FKBP1B: variants seen among roughly 807,000 people sequenced by gnomAD.
FKBP1B encodes peptidyl-prolyl cis-trans isomerase FKBP1B.
FKBP1B carries 4 observed loss-of-function variants against 13.5 expected under a neutral mutation model. That is an observed-to-expected ratio of 0.30 (90% CI 0.15 to 0.68). The LOEUF (loss-of-function observed/expected upper bound fraction) is 0.68. Ranked by LOEUF, FKBP1B falls within the 30% of genes least tolerant of loss-of-function variation. The pLI, the probability that FKBP1B is intolerant of heterozygous loss-of-function variation, is 0.76. For synonymous variants in FKBP1B, 54 were observed against 53.6 expected (o/e 1.01, Z -0.03); for missense variants, 93 against 136.2 (o/e 0.68, Z 1.58).
intron 2 of FKBP1B, among the ~76,000 whole-genome samples, chr2:24,060,001 G>A (rs1455910295): frequency 6.6e-6 from 1 of 151,874 alleles, no homozygotes; most frequent in African/African-American, 2.4e-5. Flanking sequence ...AACAGAGAGG[G>A]TTATAAGCAG....
chr2:24,038,633 T>C, the FKBP1B span: 10 of 1,614,080 alleles, frequency 6.2e-6, no homozygotes, highest in Non-Finnish European at 8.5e-7. Flanking sequence ...TTGAAATGTA[T>C]GTGAGTTAGA....
At chr2:24,034,212 G>A in the FKBP1B span, among the ~76,000 whole-genome samples, 1 of 152,218 alleles carries the variant, frequency 6.6e-6, no homozygotes, top group Admixed American at 6.5e-5. Flanking sequence ...CTTGAGGTCA[G>A]GAGTTCGAGA....
At chr2:24,038,063 G>T in the FKBP1B span, 1 of 1,614,116 alleles carries the variant, frequency 6.2e-7, no homozygotes, top group South Asian at 1.1e-5. Context: ...GTCAGCAACA[G>T]CCCTTTGTTT....
chr2:24,058,153 T>C lies in FKBP1B; in HGVS notation c.86-2661T>C, dbSNP rs566793988. Among the ~76,000 whole-genome samples the C allele has an allele frequency of 4.6e-5, 7 of 151,774 alleles. No individual in the cohort carries two copies. The South Asian group carries it at 1.5e-3, about 32-fold the overall frequency. On this transcript the variant is annotated intron_variant, in intron 2 of 3. Coordinates refer to ENST00000380986, the MANE Select transcript of FKBP1B (RefSeq NM_004116.5). ...AGGCGGAGGTTGCAGTGAGCTGAGATTGAGCCGCTGCACTCCAGCCTGGGT... is the reference window on the plus strand; with the variant it reads ...AGGCGGAGGTTGCAGTGAGCTGAGACTGAGCCGCTGCACTCCAGCCTGGGT...
In FKBP1B at chr2:24,049,835, GC is replaced by G. The variant is rs1191618193; in HGVS notation, c.-13del. ...GCAGCAGGGACCCCCCAGAGGCGGGGCCTGTGGGACCGCTATGGGCGTGGAG... is the reference window on the plus strand; with the variant it reads ...GCAGCAGGGACCCCCCAGAGGCGGGGCTGTGGGACCGCTATGGGCGTGGAG... On this transcript the variant is annotated 5_prime_UTR_variant, in exon 1 of 4. Transcript: ENST00000380986. 1 of 1,402,370 alleles carries G rather than the reference GC, an allele frequency of 7.1e-7. No homozygotes were observed. Among genetic ancestry groups the G allele is most frequent in the East Asian group, 3.0e-5 (1 of 32,998 alleles). The allele number at this position is 1,402,370 out of a possible 1,614,324, so 86.9% of individuals were successfully genotyped here.
chr2:24,049,753 A>G lies in FKBP1B; in HGVS notation c.-97A>G, dbSNP rs1032523407. ...CTCCTCCGGCTCTGCAGTGGCGGCG[A>G]GGAGGCGAGCCGGAGCGACGGCGGG... On this transcript the variant is annotated 5_prime_UTR_variant, in exon 1 of 4. Transcript: ENST00000380986. 5.0e-6 allele frequency: 5 copies of G among 1,004,504 alleles called. No individual in the cohort carries two copies. In the African/African-American group the frequency reaches 6.7e-5, roughly 13 times the overall value. 62.2% of individuals were successfully genotyped at this position (1,004,504 alleles called of 1,614,324 possible).
At chr2:24,042,167 C>G in the FKBP1B span, among the ~76,000 whole-genome samples, 2 of 151,924 alleles carry the variant, frequency 1.3e-5, no homozygotes, top group Non-Finnish European at 2.9e-5. Context: ...TTTGGGAGCC[C>G]GAGAAGGGCA....
In FKBP1B at chr2:24,049,760, G is replaced by T. The variant is rs959851659; in HGVS notation, c.-90G>T. 18 of 1,121,098 alleles carry T rather than the reference G, an allele frequency of 1.6e-5. No individual in the cohort carries two copies. In the Admixed American group the frequency reaches 2.9e-4, roughly 18 times the overall value. 69.4% of individuals were successfully genotyped at this position (1,121,098 alleles called of 1,614,324 possible). A position where few individuals can be genotyped will look rare whatever the true frequency, so the allele number is the denominator to read the frequency against. On this transcript the variant is annotated 5_prime_UTR_variant, in exon 1 of 4. Transcript: ENST00000380986. ...GGCTCTGCAGTGGCGGCGAGGAGGC[G>T]AGCCGGAGCGACGGCGGGGCTGGGG...
chr2:24,037,653 G>A, the FKBP1B span: 1 of 1,585,284 alleles, frequency 6.3e-7, no homozygotes. Context: ...ATGTATAGTG[G>A]TAGTTCCTCA....
chr2:24,037,717 G>A, the FKBP1B span: 1 of 1,613,798 alleles, frequency 6.2e-7, no homozygotes. Flanking sequence ...TTGAGAGAGT[G>A]GATACACTGA....
chr2:24,063,461 A>AAT lies in FKBP1B; in HGVS notation c.*269_*270insAT. 2.7e-6 allele frequency: 1 copy of AAT among 377,258 alleles called. No individual in the cohort carries two copies. Among genetic ancestry groups the AAT allele is most frequent in the Non-Finnish European group, 4.7e-6 (1 of 211,456 alleles). The allele number at this position is 377,258 out of a possible 1,614,324, so 23.4% of individuals were successfully genotyped here. The stretch of plus-strand genomic sequence containing the variant: ...GCATGTAGTAGCCTTTCCTGATGAC[A>AAT]GAACACAGATCTCTTGTTCGCACAA... On this transcript the variant is annotated 3_prime_UTR_variant, in exon 4 of 4. Transcript: ENST00000380986.
chr2:24,036,263 T>C, the FKBP1B span, among the ~76,000 whole-genome samples: 9 of 151,900 alleles, frequency 5.9e-5, no homozygotes, highest in South Asian at 1.7e-3. Flanking sequence ...CCCAGCACTT[T>C]GGGAGGCTGA....
In FKBP1B at chr2:24,063,501, C is replaced by T; in HGVS notation, c.*309C>T. 1 of 326,632 alleles carries T rather than the reference C, an allele frequency of 3.1e-6. No homozygotes were observed. Among genetic ancestry groups the T allele is most frequent in the Non-Finnish European group, 5.6e-6 (1 of 178,854 alleles). 20.2% of individuals were successfully genotyped at this position (326,632 alleles called of 1,614,324 possible). A position where few individuals can be genotyped will look rare whatever the true frequency, so the allele number is the denominator to read the frequency against. ...TGTTCGCACAATCTACACTGCCTTA[C>T]CTTCACTTAAACCACACACACAAGG... is the stretch of plus-strand genomic sequence containing the variant. On this transcript the variant is annotated 3_prime_UTR_variant, in exon 4 of 4. Coordinates refer to ENST00000380986, the MANE Select transcript of FKBP1B (RefSeq NM_004116.5).
chr2:24,037,603 A>G, the FKBP1B span: 1 of 1,418,220 alleles, frequency 7.1e-7, no homozygotes, highest in Non-Finnish European at 9.5e-7. Flanking sequence ...CTTCCTCATC[A>G]ATACGTTTCT....
chr2:24,037,931 C>A, the FKBP1B span: 2 of 1,613,998 alleles, frequency 1.2e-6, no homozygotes, highest in Non-Finnish European at 1.7e-6. Context: ...GGCAGCGATG[C>A]TGGCTGGGTA....
upstream of FKBP1B, among the ~76,000 whole-genome samples, chr2:24,047,675 G>T (rs534317258): frequency 1.3e-5 from 2 of 152,262 alleles, no homozygotes; most frequent in African/African-American, 4.8e-5. Flanking sequence ...ACTTCTCGTC[G>T]GTTCTCTTGT....
intron 2 of FKBP1B, among the ~76,000 whole-genome samples, chr2:24,060,271 C>T (rs1242017007): frequency 6.6e-6 from 1 of 152,158 alleles, no homozygotes; most frequent in Non-Finnish European, 1.5e-5. Flanking sequence ...AAAGAAAAGG[C>T]CAGGCACAGT....
intron 1 of FKBP1B, 64 bp downstream of exon 1, chr2:24,049,950 GGT>G: frequency 7.7e-7 from 1 of 1,303,596 alleles, no homozygotes; most frequent in Non-Finnish European, 9.9e-7. Flanking sequence ...GGAGGGCGGG[GGT>G]CTGATTCGGA....
At chr2:24,062,493 A>G (rs1664439386) in intron 3 of FKBP1B, among the ~76,000 whole-genome samples, 1 of 151,948 alleles carries the variant, frequency 6.6e-6, no homozygotes, top group Non-Finnish European at 1.5e-5. Flanking sequence ...TGTATTTTTT[A>G]GTAGAGACAG....
Sources: gnomAD v4.1 joint callset for allele counts (sites outside exome capture counted in the v4.1 genomes callset) on GRCh38, gnomAD v4.1.1 for gene constraint, MANE v1.5 for transcripts, NCBI Gene and HGNC (gene_info 2026-07-23, HGNC 2026-07-21) for gene names.